The following ANO5 variants were observed in gnomAD, a reference collection of about 807,000 sequenced individuals.
ANO5 encodes the protein anoctamin-5.
In ANO5, 109 loss-of-function variants were observed where a neutral mutation model predicts 121.0. The observed-to-expected ratio is 0.90, with a 90% CI of 0.77 to 1.06. ANO5 has a LOEUF of 1.06. Ranked by LOEUF, ANO5 falls within the 50% of genes least tolerant of loss-of-function variation. The pLI, the probability that ANO5 is intolerant of heterozygous loss-of-function variation, is 0.00. For missense variants in ANO5, 1,064 were observed against 1,078.5 expected (o/e 0.99, Z 0.19); for synonymous variants, 406 against 359.9 (o/e 1.13, Z -1.45).
chr11:22,277,579 C>T (rs1331478932), intron 21 of ANO5, among the ~76,000 whole-genome samples: 2 of 151,288 alleles, frequency 1.3e-5, no homozygotes, highest in East Asian at 3.9e-4. Context: ...CATCTGTTTC[C>T]TGTCTTATAT....
At chr11:22,249,737 T>A (rs1853737680) in intron 9 of ANO5, among the ~76,000 whole-genome samples, 1 of 152,088 alleles carries the variant, frequency 6.6e-6, no homozygotes, top group African/African-American at 2.4e-5. Flanking sequence ...ACATCCAAGA[T>A]TCAAACTTGG....
intron 7 of ANO5, among the ~76,000 whole-genome samples, chr11:22,231,467 A>T (rs983529241): frequency 1.3e-5 from 2 of 151,964 alleles, no homozygotes; most frequent in African/African-American, 4.8e-5. Flanking sequence ...CTTATTTTTC[A>T]GTGGAAAACA....
At chr11:22,249,467 G>A (rs943592532) in intron 9 of ANO5, among the ~76,000 whole-genome samples, 2 of 152,178 alleles carry the variant, frequency 1.3e-5, no homozygotes, top group East Asian at 3.9e-4. Flanking sequence ...TATGAATAAG[G>A]AGGAAGATTA....
At chr11:22,227,120 A>G (rs1399199376) in intron 6 of ANO5, among the ~76,000 whole-genome samples, 182 bp from the exon 7 acceptor site, 1 of 151,070 alleles carries the variant, frequency 6.6e-6, no homozygotes, top group African/African-American at 2.5e-5. Context: ...ACATATATAC[A>G]TGTTTTTGTA....
Position 22,250,657 on chromosome 11 carries a change from A to G in ANO5, c.1014-84A>G, listed in dbSNP as rs1009823760. 36 of 1,333,392 alleles carry G rather than the reference A, an allele frequency of 2.7e-5. No homozygotes were observed. In the Admixed American group the frequency reaches 4.4e-4, roughly 16 times the overall value. The allele number at this position is 1,333,392 out of a possible 1,614,324, so 82.6% of individuals were successfully genotyped here. A position where few individuals can be genotyped will look rare whatever the true frequency, so the allele number is the denominator to read the frequency against. ...CCTTCTGTTATATGTGAGAAGTTATATAAGTAGTTGTTCTAATAAGAACAG... is the reference window on the plus strand; with the variant it reads ...CCTTCTGTTATATGTGAGAAGTTATGTAAGTAGTTGTTCTAATAAGAACAG... On this transcript the variant is annotated intron_variant, in intron 10 of 21. Transcript: ENST00000324559.
At chr11:22,268,705 G>T (rs1421659665) in intron 17 of ANO5, among the ~76,000 whole-genome samples, 1 of 152,182 alleles carries the variant, frequency 6.6e-6, no homozygotes, top group Non-Finnish European at 1.5e-5. Flanking sequence ...AAATGCTTCA[G>T]ACTTTTCCCA....
rs1554934130 is a variant in ANO5, at chr11:22,272,340, A to ACG, written c.2030-443_2030-442insGC. ...CACACACACACACACACACACACAC[A>ACG]CACACAGCTGGCTGCTGGGATTATA... On this transcript the variant is annotated intron_variant, in intron 18 of 21. Transcript: ENST00000324559. Among the ~76,000 whole-genome samples the ACG allele has an allele frequency of 3.2e-3, 481 of 149,322 alleles. 7 individuals carry two copies. Among genetic ancestry groups the ACG allele is most frequent in the African/African-American group, 0.012 (453 of 39,134 alleles).
At chr11:22,270,953 G>A (rs1854589157) in intron 18 of ANO5, among the ~76,000 whole-genome samples, 1 of 152,172 alleles carries the variant, frequency 6.6e-6, no homozygotes, top group Non-Finnish European at 1.5e-5. Flanking sequence ...ACAGAGAAGA[G>A]ACCCTTGAGG....
At chr11:22,237,920 A>G (rs1004852966) in intron 8 of ANO5, among the ~76,000 whole-genome samples, 1 of 152,170 alleles carries the variant, frequency 6.6e-6, no homozygotes, top group African/African-American at 2.4e-5. Flanking sequence ...TAGTATTTGC[A>G]TATAGCCTAC....
At chr11:22,273,653 C>T (rs1192329645) in intron 19 of ANO5, among the ~76,000 whole-genome samples, 1 of 151,328 alleles carries the variant, frequency 6.6e-6, no homozygotes, top group Non-Finnish European at 1.5e-5. Context: ...AATTGTAAAT[C>T]AAATTGATAG....
intron 7 of ANO5, among the ~76,000 whole-genome samples, chr11:22,229,785 T>C (rs1411865543): frequency 6.6e-6 from 1 of 151,946 alleles, no homozygotes; most frequent in African/African-American, 2.4e-5. Context: ...AATTCAACTT[T>C]AAAGCACACT....
At chr11:22,253,823 G>A (rs1035678027) in intron 12 of ANO5, among the ~76,000 whole-genome samples, 10 of 152,128 alleles carry the variant, frequency 6.6e-5, no homozygotes, top group African/African-American at 2.4e-4. Context: ...TTTTTGACTG[G>A]AGGAGTTATA....
At chr11:22,201,252 C>T (rs1379198571) in intron 1 of ANO5, among the ~76,000 whole-genome samples, 2 of 152,172 alleles carry the variant, frequency 1.3e-5, no homozygotes, top group African/African-American at 4.8e-5. Context: ...TATCAGCCGT[C>T]TTTCATTTGC....
intron 2 of ANO5, among the ~76,000 whole-genome samples, chr11:22,209,582 T>G (rs1852217478): frequency 6.6e-6 from 1 of 151,950 alleles, no homozygotes; most frequent in Admixed American, 6.6e-5. Flanking sequence ...CTAAAGCTCC[T>G]TATTCACTGT....
At chr11:22,200,866 G>A (rs1164628913) in intron 1 of ANO5, among the ~76,000 whole-genome samples, 2 of 152,124 alleles carry the variant, frequency 1.3e-5, no homozygotes, top group Non-Finnish European at 2.9e-5. Flanking sequence ...TTATCACCTA[G>A]AAGGAGAAGT....
chr11:22,242,186 C>T (rs1255900832), intron 9 of ANO5, among the ~76,000 whole-genome samples: 1 of 152,038 alleles, frequency 6.6e-6, no homozygotes, highest in Non-Finnish European at 1.5e-5. Flanking sequence ...TTGTTGAAGA[C>T]CAGATGGTGG....
At chr11:22,221,314 AGT>A in intron 5 of ANO5, 104 bp downstream of exon 5, 1 of 1,003,170 alleles carries the variant, frequency 1.0e-6, no homozygotes, top group Non-Finnish European at 1.5e-6. Flanking sequence ...GAGGCCCTGA[AGT>A]GTTACTGAAA....
rs113465896 is a variant in ANO5, at chr11:22,224,040, A to G, written c.295-1944A>G. Among the ~76,000 whole-genome samples, 893 of 151,658 alleles carry G rather than the reference A, an allele frequency of 5.9e-3. 11 individuals are homozygous for G. Among genetic ancestry groups the G allele is most frequent in the African/African-American group, 0.02 (825 of 41,400 alleles). ...AACACAGTTGATCCTTCCCTTTTCTATTGTGTATGTTCTTCATGTGGCTTC... is the reference window on the plus strand; with the variant it reads ...AACACAGTTGATCCTTCCCTTTTCTGTTGTGTATGTTCTTCATGTGGCTTC... On this transcript the variant is annotated intron_variant, in intron 5 of 21. Transcript: ENST00000324559.
At chr11:22,214,885 C>A (rs1318616292) in intron 3 of ANO5, among the ~76,000 whole-genome samples, 1 of 151,886 alleles carries the variant, frequency 6.6e-6, no homozygotes, top group Non-Finnish European at 1.5e-5. Context: ...ATGACAGAAA[C>A]TCTATATCAA....
Sources: gnomAD v4.1 joint callset for allele counts (sites outside exome capture counted in the v4.1 genomes callset) on GRCh38, gnomAD v4.1.1 for gene constraint, MANE v1.5 for transcripts, NCBI Gene and HGNC (gene_info 2026-07-23, HGNC 2026-07-21) for gene names.